Variants in THSD7B observed in about 807,000 individuals in gnomAD.
THSD7B encodes the protein thrombospondin type-1 domain-containing protein 7B.
Under a neutral mutation model 213.6 loss-of-function variants are expected in THSD7B, and 138 were observed. That is an observed-to-expected ratio of 0.65 (90% CI 0.56 to 0.74). The LOEUF (loss-of-function observed/expected upper bound fraction) is 0.74, where lower values mean the gene tolerates loss of function less well. Ranked by LOEUF, THSD7B falls within the 30% of genes least tolerant of loss-of-function variation. THSD7B has a pLI of 0.00. For missense variants in THSD7B, 1,931 were observed against 1,991.5 expected, an observed-to-expected ratio of 0.97 and a Z score of 0.58; for synonymous variants, 742 against 687.0, an observed-to-expected ratio of 1.08 and a Z score of -1.25.
intron 2 of THSD7B, among the ~76,000 whole-genome samples, chr2:136,898,194 T>C (rs1477296436): frequency 6.6e-6 from 1 of 152,238 alleles, no homozygotes; most frequent in Non-Finnish European, 1.5e-5. Context: ...GGACATAGAA[T>C]GTCTCATCTC....
intron 16 of THSD7B, among the ~76,000 whole-genome samples, chr2:137,566,999 C>G (rs774076064): frequency 7.2e-5 from 11 of 151,982 alleles, no homozygotes; most frequent in Non-Finnish European, 1.2e-4. Context: ...AAAGCAGGAG[C>G]CTTCTTGGCT....
chr2:136,825,508 C>A (rs574010542), intron 1 of THSD7B, among the ~76,000 whole-genome samples: 1 of 151,962 alleles, frequency 6.6e-6, no homozygotes, highest in African/African-American at 2.4e-5. Flanking sequence ...CCTATACTTC[C>A]AGTTTTTCTT....
At position 137,059,290 on chromosome 2, in the gene THSD7B, A is replaced by C. The variant is rs2104879466; in HGVS notation, c.950+2060A>C. Among the ~76,000 whole-genome samples, 2 of 152,286 alleles carry C rather than the reference A, an allele frequency of 1.3e-5. 1 individual carries two copies. The highest frequency in any genetic ancestry group is 2.9e-5 in the Non-Finnish European group (2 of 68,012). ...TTCCCATATTCAAAATGGAGGTTAGAGTTTCAACATTTGAATTTTGGAGGA... is the reference window on the plus strand; with the variant it reads ...TTCCCATATTCAAAATGGAGGTTAGCGTTTCAACATTTGAATTTTGGAGGA... On this transcript the variant is annotated intron_variant, in intron 3 of 27. Transcript: ENST00000409968.
intron 6 of THSD7B, among the ~76,000 whole-genome samples, chr2:137,164,628 C>CCCAAATGT (rs1300817279): frequency 6.6e-6 from 1 of 152,174 alleles, no homozygotes; most frequent in African/African-American, 2.4e-5. Flanking sequence ...TTGGAACCAA[C>CCCAAATGT]CCAAATGTCC....
At chr2:137,110,872 A>C (rs1210310911) in intron 4 of THSD7B, among the ~76,000 whole-genome samples, 2 of 152,198 alleles carry the variant, frequency 1.3e-5, no homozygotes, top group Admixed American at 1.3e-4. Context: ...GTTTAGATAC[A>C]CAAATACTTG....
chr2:136,981,782 C>T (rs1037340772), intron 2 of THSD7B, among the ~76,000 whole-genome samples: 1 of 152,214 alleles, frequency 6.6e-6, no homozygotes, highest in Admixed American at 6.5e-5. Context: ...AGACTGCACA[C>T]CACACCTACG....
rs187959123 is a variant in THSD7B, at chr2:137,282,843, C to T, written c.2500+6817C>T. 1.1e-3 allele frequency among the ~76,000 whole-genome samples: 172 copies of T among 152,264 alleles called. 1 individual carries two copies. Among genetic ancestry groups the T allele is most frequent in the African/African-American group, 3.8e-3 (158 of 41,554 alleles). ...TAGTTTGAAGTCAGGTAGCATGATGCCTCCAGCTTTGTTCTTTTGACTTAG... is the reference window on the plus strand; with the variant it reads ...TAGTTTGAAGTCAGGTAGCATGATGTCTCCAGCTTTGTTCTTTTGACTTAG... On this transcript the variant is annotated intron_variant, in intron 12 of 27. Coordinates refer to ENST00000409968, the MANE Select transcript of THSD7B (RefSeq NM_001316349.2).
At chr2:137,315,286 A>T (rs960410464) in intron 12 of THSD7B, among the ~76,000 whole-genome samples, 1 of 151,974 alleles carries the variant, frequency 6.6e-6, no homozygotes, top group African/African-American at 2.4e-5. Context: ...GCCATCTGTC[A>T]CCCCTTTCTT....
intron 12 of THSD7B, among the ~76,000 whole-genome samples, chr2:137,357,825 C>T (rs1032669635): frequency 2.0e-5 from 3 of 152,154 alleles, no homozygotes; most frequent in South Asian, 2.1e-4. Context: ...GTGATTGTAA[C>T]CATGAGGAAG....
At chr2:136,779,091 T>A (rs1264889605) in intron 1 of THSD7B, among the ~76,000 whole-genome samples, 1 of 152,158 alleles carries the variant, frequency 6.6e-6, no homozygotes, top group Non-Finnish European at 1.5e-5. Context: ...TATTAGAGTT[T>A]TATTTTTATG....
intron 15 of THSD7B, among the ~76,000 whole-genome samples, chr2:137,532,100 G>T (rs79666024): frequency 0.24 from 36,470 of 151,798 alleles, 4,477 homozygotes; most frequent in South Asian, 0.31. Context: ...AGTTAATTGC[G>T]TAACATGATA....
At chr2:137,130,520 C>A (rs7580633) in intron 5 of THSD7B, among the ~76,000 whole-genome samples, 90,974 of 135,524 alleles carry the variant, frequency 0.67, 32,042 homozygotes, top group Non-Finnish European at 0.77. Context: ...TAATGCTATC[C>A]CTTCCCCCTC....
intron 5 of THSD7B, among the ~76,000 whole-genome samples, chr2:137,130,639 T>G (rs150851567): frequency 6.6e-6 from 1 of 151,016 alleles, no homozygotes. Flanking sequence ...TTTGGTTTTT[T>G]GTCCTTGAGA....
chr2:136,850,705 T>A (rs1683085565), intron 1 of THSD7B, among the ~76,000 whole-genome samples: 1 of 151,994 alleles, frequency 6.6e-6, no homozygotes, highest in East Asian at 1.9e-4. Flanking sequence ...TTTCTACCTA[T>A]TTTTAAGCAA....
rs115764988 is a variant in THSD7B, at chr2:137,254,676, T to C, written c.2266+12104T>C. Reference sequence around the variant, plus strand: ...ATGCTCATGTGTAACATAGATATAATATGTAATATCTGTAAGACAACTTAA... The same window carrying C: ...ATGCTCATGTGTAACATAGATATAACATGTAATATCTGTAAGACAACTTAA... On this transcript the variant is annotated intron_variant, in intron 10 of 27. Transcript: ENST00000409968. Among the ~76,000 whole-genome samples, 908 of 152,332 alleles carry C rather than the reference T, an allele frequency of 6.0e-3. 9 individuals carry two copies. The highest frequency in any genetic ancestry group is 0.02 in the African/African-American group (824 of 41,568).
At chr2:137,575,191 G>A (rs566350783) in intron 17 of THSD7B, among the ~76,000 whole-genome samples, 1 of 151,902 alleles carries the variant, frequency 6.6e-6, no homozygotes. Context: ...TTTTCAGATT[G>A]TTTAAAAAAT....
At chr2:137,286,508 C>G (rs1380285349) in intron 12 of THSD7B, among the ~76,000 whole-genome samples, 1 of 152,122 alleles carries the variant, frequency 6.6e-6, no homozygotes, top group Non-Finnish European at 1.5e-5. Context: ...CTTTCATTCT[C>G]CGAATGGAAG....
chr2:137,380,459 G>A (rs1685747765), intron 12 of THSD7B, among the ~76,000 whole-genome samples: 2 of 152,086 alleles, frequency 1.3e-5, no homozygotes, highest in Non-Finnish European at 2.9e-5. Flanking sequence ...CTCTGAAAAT[G>A]TTTTTATCTT....
At chr2:137,366,662 A>G (rs982338046) in intron 12 of THSD7B, among the ~76,000 whole-genome samples, 2 of 152,118 alleles carry the variant, frequency 1.3e-5, no homozygotes, top group Non-Finnish European at 2.9e-5. Flanking sequence ...GTCCACTGAT[A>G]TTCCTTCCTT....
Sources: gnomAD v4.1 joint callset for allele counts (sites outside exome capture counted in the v4.1 genomes callset) on GRCh38, gnomAD v4.1.1 for gene constraint, MANE v1.5 for transcripts, NCBI Gene and HGNC (gene_info 2026-07-23, HGNC 2026-07-21) for gene names.